Variants in ZFHX4 observed in about 807,000 individuals in gnomAD.
The protein encoded by ZFHX4 is zinc finger homeobox 4.
ZFHX4 carries 56 observed loss-of-function variants against 267.6 expected under a neutral mutation model. That is an observed-to-expected ratio of 0.21 (90% CI 0.17 to 0.26). The LOEUF (loss-of-function observed/expected upper bound fraction) is 0.26, where lower values mean the gene tolerates loss of function less well. Among genes scored for constraint, ZFHX4 ranks in the 10% least tolerant of loss-of-function variants. ZFHX4 has a pLI of 1.00. For missense variants in ZFHX4, 4,332 were observed against 4,420.0 expected (o/e 0.98, Z 0.56); for synonymous variants, 1,778 against 1,665.6 (o/e 1.07, Z -1.64).
chr8:76,706,528 G>A lies in ZFHX4; in HGVS notation c.2440G>A (p.Ala814Thr). 2 of 1,613,452 alleles carry A rather than the reference G, an allele frequency of 1.2e-6. No individual in the cohort carries two copies. The highest frequency in any genetic ancestry group is 1.7e-6 in the Non-Finnish European group (2 of 1,179,698). ...QIQHNLHLGLAPAEAELYQYY... is the reference protein window; with the variant it reads ...QIQHNLHLGLTPAEAELYQYY... Reference sequence around the variant, plus strand: ...CCAGCATAATCTGCACTTGGGCCTCGCCCCGGCGGAAGCAGAGCTTTATCA... The same window carrying A: ...CCAGCATAATCTGCACTTGGGCCTCACCCCGGCGGAAGCAGAGCTTTATCA... Residue 814 changes from alanine (A) to threonine (T), a missense_variant, in exon 2 of 11, where the codon GCC becomes ACC. Ala to Thr is a moderately conservative substitution (Grantham distance 58). Around this residue, in one of 7 missense-constraint regions of ZFHX4, gnomAD observed 1,195 missense variants for 1,173.6 expected, o/e 1.02. Transcript: ENST00000651372.
rs554521814 is a variant in ZFHX4 at position 76,834,193 on chromosome 8, G to A, written c.3394+787G>A. 45 of 431,268 alleles carry A rather than the reference G, an allele frequency of 1.0e-4. No homozygotes were observed. The East Asian group carries it at 3.2e-3, about 30-fold the overall frequency. 26.7% of individuals were successfully genotyped at this position (431,268 alleles called of 1,614,324 possible). A position where few individuals can be genotyped will look rare whatever the true frequency, so the allele number is the denominator to read the frequency against. The stretch of plus-strand genomic sequence containing the variant: ...GCAATTACGAATAAAACTACTATGA[G>A]CATCGGTGTCCAGGCTTTTGTGTGG... On this transcript the variant is annotated intron_variant, in intron 5 of 10. Transcript: ENST00000651372.
In ZFHX4 at chr8:76,850,333, T is replaced by C. The variant is rs777312233; in HGVS notation, c.3935T>C (p.Val1312Ala). 1 of 1,612,788 alleles carries C rather than the reference T, an allele frequency of 6.2e-7. No individual in the cohort carries two copies. The highest frequency in any genetic ancestry group is 1.7e-5 in the Admixed American group (1 of 59,876). Residue 1312 changes from valine to alanine, a missense_variant, in exon 9 of 11, where the codon GTG (valine) becomes GCG (alanine). Val to Ala is a moderately conservative substitution (Grantham distance 64). Transcript: ENST00000651372. The part of the protein sequence containing the change: ...EKSERDTPAA[V>A]TAEGSGKYSG... ...TCAGAGCGGGACACACCTGCAGCCG[T>C]GACAGCTGAGGGGTCTGGGAAATAT...
chr8:76,854,366 T>C lies in ZFHX4; in HGVS notation c.7445T>C (p.Leu2482Pro). Residue 2482 changes from leucine to proline, a missense_variant, in exon 10 of 11, where the codon CTC (leucine) becomes CCC (proline). Leu to Pro is a moderately conservative substitution (Grantham distance 98). This residue lies in a region of ZFHX4 where 1,648 missense variants were observed against 1,625.0 expected (regional missense o/e 1.01). Transcript: ENST00000651372. ...CCACTGCAAATTTCCATGACGTCTC[T>C]CCAGAACAGTCTACCTCCACAGTTA... ...SSPLQISMTS[L>P]QNSLPPQLLQ... 1.2e-6 allele frequency: 2 copies of C among 1,613,802 alleles called. No individual in the cohort carries two copies. The highest frequency in any genetic ancestry group is 2.2e-5 in the East Asian group (1 of 44,830).
chr8:76,749,699 A>G (rs2131703413), intron 3 of ZFHX4, among the ~76,000 whole-genome samples: 1 of 152,320 alleles, frequency 6.6e-6, no homozygotes, highest in Non-Finnish European at 1.5e-5. Context: ...AATGAATAAA[A>G]CACATCATGC....
chr8:76,682,501 G>A (rs1415101161), intron 1 of ZFHX4: 2 of 152,386 alleles, frequency 1.3e-5, no homozygotes, highest in Non-Finnish European at 2.9e-5. Flanking sequence ...CGCCGCGGAG[G>A]AAAGGCAGGT....
chr8:76,742,141 G>A (rs1809334467), intron 3 of ZFHX4, among the ~76,000 whole-genome samples: 1 of 152,160 alleles, frequency 6.6e-6, no homozygotes, highest in African/African-American at 2.4e-5. Flanking sequence ...AAGGCATTGT[G>A]TGTTAAGTAG....
intron 3 of ZFHX4, among the ~76,000 whole-genome samples, chr8:76,756,751 G>A (rs1809774193): frequency 1.3e-5 from 2 of 151,816 alleles, no homozygotes; most frequent in South Asian, 4.2e-4. Context: ...AGGCAGCAAA[G>A]GTCCAAATTT....
rs761805518 is a variant in ZFHX4, at chr8:76,706,536, G to A, written c.2448G>A (p.Ala816=). Residue 816 remains alanine, a synonymous_variant, in exon 2 of 11, where the codon GCG becomes GCA. Coordinates refer to ENST00000651372, the MANE Select transcript of ZFHX4 (RefSeq NM_024721.5). ...QHNLHLGLAP[A]EAELYQYYLA... Reference sequence around the variant, plus strand: ...ATCTGCACTTGGGCCTCGCCCCGGCGGAAGCAGAGCTTTATCAGTACTACC... The same window carrying A: ...ATCTGCACTTGGGCCTCGCCCCGGCAGAAGCAGAGCTTTATCAGTACTACC... 4 of 1,613,152 alleles carry A rather than the reference G, an allele frequency of 2.5e-6. No individual in the cohort carries two copies. The highest frequency in any genetic ancestry group is 2.2e-5 in the East Asian group (1 of 44,844).
chr8:76,691,544 AT>A (rs1807824427), intron 1 of ZFHX4, among the ~76,000 whole-genome samples: 1 of 152,094 alleles, frequency 6.6e-6, no homozygotes, highest in Non-Finnish European at 1.5e-5. Flanking sequence ...TTCTTTTTAA[AT>A]GATATTATTT....
chr8:76,826,701 G>T (rs2131877401), intron 4 of ZFHX4, among the ~76,000 whole-genome samples: 1 of 152,216 alleles, frequency 6.6e-6, no homozygotes, highest in East Asian at 1.9e-4. Context: ...GGACTGAGGG[G>T]TATGAGAAAT....
chr8:76,839,095 G>T (rs1812169200), intron 5 of ZFHX4, among the ~76,000 whole-genome samples: 1 of 144,980 alleles, frequency 6.9e-6, no homozygotes, highest in Non-Finnish European at 1.5e-5. Flanking sequence ...GAGAGAGAGA[G>T]AGAGAAGGAC....
chr8:76,740,195 T>A (rs1484084281), intron 3 of ZFHX4, among the ~76,000 whole-genome samples: 1 of 152,064 alleles, frequency 6.6e-6, no homozygotes, highest in African/African-American at 2.4e-5. Flanking sequence ...AAAATTCTGA[T>A]GGGAGAGATT....
In ZFHX4 at chr8:76,681,530, C is replaced by G. The variant is rs554205459; in HGVS notation, c.-137C>G. On this transcript the variant is annotated 5_prime_UTR_variant, in exon 1 of 11. Coordinates refer to ENST00000651372, the MANE Select transcript of ZFHX4 (RefSeq NM_024721.5). Reference sequence around the variant, plus strand: ...TTTTTGTTTTTTTAATGAACCCTCTCGTTTTACTTGGATGTGATCAGCTGT... The same window carrying G: ...TTTTTGTTTTTTTAATGAACCCTCTGGTTTTACTTGGATGTGATCAGCTGT... 1 of 397,770 alleles carries G rather than the reference C, an allele frequency of 2.5e-6. No individual in the cohort carries two copies. The highest frequency in any genetic ancestry group is 4.4e-6 in the Non-Finnish European group (1 of 225,728). The allele number at this position is 397,770 out of a possible 1,614,324, so 24.6% of individuals were successfully genotyped here.
intron 6 of ZFHX4, among the ~76,000 whole-genome samples, chr8:76,848,079 A>G (rs1206525046): frequency 6.6e-6 from 1 of 152,178 alleles, no homozygotes; most frequent in Non-Finnish European, 1.5e-5. Context: ...AATACTCATA[A>G]TAAACAGCAG....
At chr8:76,782,132 G>A (rs751959481) in intron 4 of ZFHX4, 3 of 83,470 alleles carry the variant, frequency 3.6e-5, no homozygotes, top group South Asian at 9.1e-5. Context: ...TTTGCCTATT[G>A]TTTCTTCTAG....
At chr8:76,732,797 G>A (rs1163481624) in intron 3 of ZFHX4, among the ~76,000 whole-genome samples, 1 of 152,152 alleles carries the variant, frequency 6.6e-6, no homozygotes, top group African/African-American at 2.4e-5. Flanking sequence ...TTCTGAAGCT[G>A]CATTTCTAAT....
At chr8:76,822,641 CTGTCTTGAACTTCT>C (rs972020768) in intron 4 of ZFHX4, among the ~76,000 whole-genome samples, 5 of 151,834 alleles carry the variant, frequency 3.3e-5, no homozygotes, top group Admixed American at 6.6e-5. Context: ...TGGGGTCTTA[CTGTCTTGAACTTCT>C]TGTCTTGAAC....
chr8:76,795,116 A>T (rs1349553765), intron 4 of ZFHX4, among the ~76,000 whole-genome samples: 1 of 152,210 alleles, frequency 6.6e-6, no homozygotes, highest in East Asian at 1.9e-4. Flanking sequence ...TTCCTTCTTC[A>T]TTGTAATTAC....
chr8:76,713,302 TA>T (rs754554433), intron 3 of ZFHX4, among the ~76,000 whole-genome samples: 7,060 of 152,068 alleles, frequency 0.046, 352 homozygotes, highest in East Asian at 0.23. Flanking sequence ...GATAGATAGA[TA>T]GATAGATAGA....
Sources: gnomAD v4.1 joint callset for allele counts (sites outside exome capture counted in the v4.1 genomes callset) on GRCh38, gnomAD v4.1.1 for gene constraint, gnomAD v4.1.1 regional missense constraint, MANE v1.5 for transcripts, NCBI Gene and HGNC (gene_info 2026-07-23, HGNC 2026-07-21) for gene names.